Variants in LRRC4B observed in about 807,000 individuals in gnomAD.
LRRC4B encodes leucine-rich repeat-containing protein 4B.
A neutral mutation model predicts 7.3 loss-of-function variants in LRRC4B; 1 was observed. That is an observed-to-expected ratio of 0.14 (90% CI 0.05 to 0.65). LRRC4B has a LOEUF of 0.65. LRRC4B is among the 30% of genes least tolerant of loss of function. LRRC4B has a pLI of 0.84. For missense variants in LRRC4B, 730 were observed against 1,041.6 expected (o/e 0.70, Z 4.12); for synonymous variants, 500 against 499.2 (o/e 1.00, Z -0.02).
chr19:50,535,553 T>C (rs1244551747), intron 2 of LRRC4B, among the ~76,000 whole-genome samples: 1 of 152,236 alleles, frequency 6.6e-6, no homozygotes, highest in African/African-American at 2.4e-5. Context: ...GTTAATTTTT[T>C]TACATTCAGA....
chr19:50,564,691 C>G (rs904796032), intron 1 of LRRC4B, among the ~76,000 whole-genome samples: 3 of 151,844 alleles, frequency 2.0e-5, no homozygotes, highest in African/African-American at 4.8e-5. Context: ...CACCTCGAGA[C>G]AGATGCCCGG....
At chr19:50,547,957 G>A (rs555789845) in intron 2 of LRRC4B, among the ~76,000 whole-genome samples, 1 of 152,060 alleles carries the variant, frequency 6.6e-6, no homozygotes, top group South Asian at 2.1e-4. Flanking sequence ...CCAGGAAATG[G>A]GGACGCAAAC....
Position 50,548,807 on chromosome 19 carries a change from G to A in LRRC4B, c.32C>T (p.Pro11Leu), listed in dbSNP as rs866577970. The A allele has an allele frequency of 8.6e-6, 13 of 1,506,160 alleles. No homozygotes were observed. Among genetic ancestry groups the A allele is most frequent in the East Asian group, 4.9e-5 (2 of 40,940 alleles). The allele number at this position is 1,506,160 out of a possible 1,614,324, so 93.3% of individuals were successfully genotyped here. A position where few individuals can be genotyped will look rare whatever the true frequency, so the allele number is the denominator to read the frequency against. The change falls in exon 2 of 3, where the codon CCG becomes CTG. Residue 11 changes from proline to leucine, a missense_variant. By Grantham distance (98) the Pro-to-Leu change is moderately conservative (BLOSUM62 -3). Around this residue, in one of 6 missense-constraint regions of LRRC4B, gnomAD observed 143 missense variants for 158.4 expected, o/e 0.90. Transcript: ENST00000652263. This position sits in a 1 kb window ranked among gnomAD's most constrained non-coding sequence, Gnocchi z 6.8. Reference sequence around the variant, plus strand: ...CCAGGACATCCTACCGGGCGGCAGCGGGGGGCACGGGGAGCCGCGGGCACG... The same window carrying A: ...CCAGGACATCCTACCGGGCGGCAGCAGGGGGCACGGGGAGCCGCGGGCACG... MARARGSPCP[P>L]LPPGRMSWPH...
intron 2 of LRRC4B, among the ~76,000 whole-genome samples, chr19:50,522,461 T>TATTTATTC (rs1428479899): frequency 1.3e-4 from 13 of 101,990 alleles, no homozygotes; most frequent in Admixed American, 1.1e-3. Flanking sequence ...TTTTATTTAT[T>TATTTATTC]ATTTATTTAT....
intron 2 of LRRC4B, among the ~76,000 whole-genome samples, chr19:50,542,469 ATTTTTTTTTTTTT>A (rs58092334): frequency 3.7e-5 from 4 of 107,236 alleles, no homozygotes; most frequent in Non-Finnish European, 7.4e-5. Flanking sequence ...AGAATTGCTG[ATTTTTTTTTTTTT>A]TTTTTTTTTT....
chr19:50,520,162 C>T (rs1980490795), intron 2 of LRRC4B, among the ~76,000 whole-genome samples: 1 of 107,338 alleles, frequency 9.3e-6, no homozygotes, highest in South Asian at 3.2e-4. Flanking sequence ...GCCCTGATCA[C>T]GCCACTGCAC....
chr19:50,562,959 C>G (rs930365645), intron 1 of LRRC4B, among the ~76,000 whole-genome samples: 2 of 152,002 alleles, frequency 1.3e-5, no homozygotes, highest in African/African-American at 4.8e-5. Flanking sequence ...AGGCTGGTCT[C>G]AAACTCCCGA....
rs949479329 is a variant in LRRC4B at position 50,548,482 on chromosome 19, A to G, written c.297+60T>C. 74 of 1,541,612 alleles carry G rather than the reference A, an allele frequency of 4.8e-5. No individual in the cohort carries two copies. Among genetic ancestry groups the G allele is most frequent in the Non-Finnish European group, 6.0e-5 (69 of 1,150,178 alleles). On this transcript the variant is annotated intron_variant, in intron 2 of 2. Transcript: ENST00000652263. This position sits in a 1 kb window ranked among gnomAD's most constrained non-coding sequence, Gnocchi z 6.8. ...GGGAGGCCCAGAAGGGATGGGCTAC[A>G]TCTGCATGCCTCCCCAGTGTCCCCT...
chr19:50,566,834 T>G (rs906804969), intron 1 of LRRC4B, among the ~76,000 whole-genome samples: 3 of 146,332 alleles, frequency 2.1e-5, no homozygotes, highest in Non-Finnish European at 4.5e-5. Context: ...TGATGAAAGG[T>G]CATAGAAGGA....
intron 2 of LRRC4B, among the ~76,000 whole-genome samples, chr19:50,540,648 G>A (rs1353257782): frequency 2.0e-5 from 3 of 151,900 alleles, no homozygotes; most frequent in East Asian, 2.0e-4. Flanking sequence ...GAGGCACCAC[G>A]CTCGGCCAGC....
At chr19:50,541,044 C>T (rs982843700) in intron 2 of LRRC4B, among the ~76,000 whole-genome samples, 9 of 151,720 alleles carry the variant, frequency 5.9e-5, no homozygotes, top group Admixed American at 1.3e-4. Context: ...AGTAGCCGGG[C>T]GTGCTGGTGG....
intron 2 of LRRC4B, among the ~76,000 whole-genome samples, chr19:50,526,816 A>G (rs1057096023): frequency 6.6e-6 from 1 of 151,902 alleles, no homozygotes; most frequent in Non-Finnish European, 1.5e-5. Context: ...AATTTTTTCT[A>G]TGCATATTAT....
intron 2 of LRRC4B, among the ~76,000 whole-genome samples, chr19:50,539,818 T>C (rs8109658): frequency 6.9e-6 from 1 of 143,950 alleles, no homozygotes; most frequent in Admixed American, 7.1e-5. Flanking sequence ...ACCCGAGAGG[T>C]GGAAGTTGCA....
intron 2 of LRRC4B, among the ~76,000 whole-genome samples, chr19:50,541,132 C>CAGTGAGT (rs1981527135): frequency 6.7e-6 from 1 of 150,244 alleles, no homozygotes; most frequent in Non-Finnish European, 1.5e-5. Context: ...TGCAGTGAGC[C>CAGTGAGT]GAGATGGCGC....
intron 2 of LRRC4B, among the ~76,000 whole-genome samples, chr19:50,544,111 G>A (rs532569790): frequency 1.3e-5 from 2 of 152,216 alleles, no homozygotes; most frequent in Admixed American, 1.3e-4. Flanking sequence ...GGAGGCTGAG[G>A]CGGTAGAATT....
At chr19:50,566,453 C>A (rs1296029515) in intron 1 of LRRC4B, among the ~76,000 whole-genome samples, 1 of 151,526 alleles carries the variant, frequency 6.6e-6, no homozygotes, top group Non-Finnish European at 1.5e-5. Context: ...GGGAATTCCC[C>A]ACCCCGACAG....
intron 2 of LRRC4B, among the ~76,000 whole-genome samples, chr19:50,534,767 G>C (rs1192108843): frequency 6.6e-6 from 1 of 151,988 alleles, no homozygotes; most frequent in Non-Finnish European, 1.5e-5. Flanking sequence ...GATCTGTTGG[G>C]GTTTTTAAGA....
chr19:50,554,673 A>C (rs1236572265), intron 1 of LRRC4B, among the ~76,000 whole-genome samples: 2 of 152,246 alleles, frequency 1.3e-5, no homozygotes, highest in African/African-American at 4.8e-5. Flanking sequence ...GGTAACGTCC[A>C]ACACACATCT....
intron 1 of LRRC4B, among the ~76,000 whole-genome samples, chr19:50,566,142 G>C (rs1435619320): frequency 6.9e-6 from 1 of 145,710 alleles, no homozygotes; most frequent in African/African-American, 2.5e-5. Flanking sequence ...GAAGGCGAAG[G>C]CTGCGGAAGA....
Sources: gnomAD v4.1 joint callset for allele counts (sites outside exome capture counted in the v4.1 genomes callset) on GRCh38, gnomAD v4.1.1 for gene constraint, gnomAD v4.1.1 regional missense constraint, Gnocchi (gnomAD v3.1) non-coding constraint, MANE v1.5 for transcripts, NCBI Gene and HGNC (gene_info 2026-07-23, HGNC 2026-07-21) for gene names.